ATAD2B: variants seen among roughly 807,000 people sequenced by gnomAD.
ATAD2B encodes the protein ATPase family AAA domain containing 2B.
Under a neutral mutation model 167.6 loss-of-function variants are expected in ATAD2B, and 40 were observed. That is an observed-to-expected ratio of 0.24 (90% CI 0.19 to 0.31). The LOEUF (loss-of-function observed/expected upper bound fraction) is 0.31, where lower values mean the gene tolerates loss of function less well. Among genes scored for constraint, ATAD2B ranks in the 10% least tolerant of loss-of-function variants. The pLI, the probability that ATAD2B is intolerant of heterozygous loss-of-function variation, is 1.00. For synonymous variants in ATAD2B, 579 were observed against 596.5 expected (o/e 0.97, Z 0.43); for missense variants, 1,242 against 1,757.2 (o/e 0.71, Z 5.24).
Position 23,754,558 on chromosome 2 carries a change from C to G in ATAD2B, c.4206+89G>C, listed in dbSNP as rs1675730889. ...AGGCATTTATATTTCAGGGTTAAAG[C>G]AGGAAAACTACTTTTACTCAACTGC... On this transcript the variant is annotated intron_variant, in intron 26 of 27. Transcript: ENST00000238789. 32 of 1,478,376 alleles carry G rather than the reference C, an allele frequency of 2.2e-5. No individual in the cohort carries two copies. The South Asian group carries it at 4.0e-4, about 18-fold the overall frequency. 91.6% of individuals were successfully genotyped at this position (1,478,376 alleles called of 1,614,324 possible).
chr2:23,844,384 A>T (rs1296541157), intron 13 of ATAD2B, among the ~76,000 whole-genome samples: 1 of 152,196 alleles, frequency 6.6e-6, no homozygotes, highest in Non-Finnish European at 1.5e-5. Context: ...AACAAGGTAA[A>T]AGTTACATCT....
At chr2:23,900,550 C>A (rs1700697132) in intron 1 of ATAD2B, 1 of 152,220 alleles carries the variant, frequency 6.6e-6, no homozygotes, top group Admixed American at 6.5e-5. Flanking sequence ...AATGTAGAAT[C>A]TCAGGCTCCA....
At chr2:23,711,482 G>C in the ATAD2B span, among the ~76,000 whole-genome samples, 1 of 148,008 alleles carries the variant, frequency 6.8e-6, no homozygotes, top group Admixed American at 6.9e-5. Flanking sequence ...TGATTCTCCT[G>C]CCTCAGCCTC....
the ATAD2B span, chr2:23,695,871 A>C: frequency 1.3e-6 from 2 of 1,534,786 alleles, no homozygotes; most frequent in Admixed American, 4.0e-5. The surrounding 1 kb of genome is among the most constrained non-coding windows in gnomAD (Gnocchi z 7.6). Flanking sequence ...TCTTGGGCTC[A>C]GTGGTTCCAG....
At chr2:23,768,498 G>A (rs1163066130) in intron 22 of ATAD2B, among the ~76,000 whole-genome samples, 1 of 151,988 alleles carries the variant, frequency 6.6e-6, no homozygotes, top group Non-Finnish European at 1.5e-5. Flanking sequence ...TTGAGCCCAA[G>A]GGAGTTGAGG....
the ATAD2B span, among the ~76,000 whole-genome samples, chr2:23,687,131 C>A: frequency 6.6e-6 from 1 of 152,156 alleles, no homozygotes; most frequent in Non-Finnish European, 1.5e-5. Flanking sequence ...TGCCCTTTGA[C>A]CCCAAGCAGT....
At position 23,926,586 on chromosome 2, in the gene ATAD2B, C is replaced by G. The variant is rs933085472; in HGVS notation, c.185G>C (p.Gly62Ala). ...SCPAAKAGGS[G>A]GAGVTLDEAR... is the part of the protein sequence containing the mutation. ...CTCATCCAGAGTGACGCCGGCGCCACCGCTTCCCCCGGCTTTGGCGGCGGG... is the reference window on the plus strand; with the variant it reads ...CTCATCCAGAGTGACGCCGGCGCCAGCGCTTCCCCCGGCTTTGGCGGCGGG... The change falls in exon 1 of 28, where the codon GGT becomes GCT. Residue 62 changes from glycine to alanine, a missense_variant. Physicochemically the swap from Gly to Ala is moderately conservative, Grantham distance 60. Coordinates refer to ENST00000238789, the MANE Select transcript of ATAD2B (RefSeq NM_017552.4). The G allele has an allele frequency of 9.6e-6, 15 of 1,557,198 alleles. No individual in the cohort carries two copies. Among genetic ancestry groups the G allele is most frequent in the Non-Finnish European group, 1.3e-5 (15 of 1,152,218 alleles).
downstream of ATAD2B, among the ~76,000 whole-genome samples, chr2:23,744,221 T>C (rs1165261975): frequency 6.6e-6 from 1 of 150,402 alleles, no homozygotes; most frequent in Non-Finnish European, 1.5e-5. Flanking sequence ...CATCTAAGAA[T>C]AGTATTTAGA....
chr2:23,764,055 C>T (rs1006433910), intron 23 of ATAD2B, among the ~76,000 whole-genome samples: 2 of 152,194 alleles, frequency 1.3e-5, no homozygotes, highest in Non-Finnish European at 2.9e-5. Context: ...ATAAACAATG[C>T]TCCTATGAAC....
At chr2:23,784,412 C>T (rs1300026429) in intron 21 of ATAD2B, among the ~76,000 whole-genome samples, 1 of 152,006 alleles carries the variant, frequency 6.6e-6, no homozygotes, top group African/African-American at 2.4e-5. Flanking sequence ...AGCTTAAGAG[C>T]AGAACGAACC....
At chr2:23,916,471 C>T (rs1382940586) in intron 1 of ATAD2B, among the ~76,000 whole-genome samples, 1 of 152,118 alleles carries the variant, frequency 6.6e-6, no homozygotes, top group Non-Finnish European at 1.5e-5. Flanking sequence ...AAAGTAATTT[C>T]TAAATTCAAG....
chr2:23,836,453 T>C (rs183585753), intron 13 of ATAD2B, among the ~76,000 whole-genome samples: 1 of 152,170 alleles, frequency 6.6e-6, no homozygotes, highest in African/African-American at 2.4e-5. Context: ...ACCCACAAAA[T>C]GGCAAGCAAG....
intron 18 of ATAD2B, among the ~76,000 whole-genome samples, chr2:23,809,768 T>C (rs918913737): frequency 2.6e-5 from 4 of 152,142 alleles, no homozygotes; most frequent in Non-Finnish European, 5.9e-5. Context: ...TATCCATGGT[T>C]ATATATAACA....
At chr2:23,922,492 A>G (rs1207865498) in intron 1 of ATAD2B, among the ~76,000 whole-genome samples, 1 of 152,032 alleles carries the variant, frequency 6.6e-6, no homozygotes, top group East Asian at 1.9e-4. Flanking sequence ...AGGAAAAAAA[A>G]ATAAGAAAAT....
intron 8 of ATAD2B, among the ~76,000 whole-genome samples, chr2:23,875,180 G>A (rs1558705962): frequency 6.6e-6 from 1 of 151,976 alleles, no homozygotes; most frequent in Non-Finnish European, 1.5e-5. Flanking sequence ...GAGCTGTGTA[G>A]CTTTAGGGAA....
intron 1 of ATAD2B, among the ~76,000 whole-genome samples, chr2:23,915,188 T>C (rs1322179423): frequency 9.9e-5 from 15 of 151,948 alleles, no homozygotes; most frequent in Admixed American, 9.9e-4. Context: ...TAAGAGAAAA[T>C]AATAAAATAA....
intron 19 of ATAD2B, among the ~76,000 whole-genome samples, chr2:23,790,603 G>A (rs1033730515): frequency 6.6e-6 from 1 of 152,132 alleles, no homozygotes; most frequent in Non-Finnish European, 1.5e-5. Flanking sequence ...ACTTCTCTAA[G>A]TTCACTCCTA....
intron 2 of ATAD2B, among the ~76,000 whole-genome samples, chr2:23,893,739 A>G (rs532579098): frequency 6.7e-6 from 1 of 149,032 alleles, no homozygotes; most frequent in African/African-American, 2.5e-5. Context: ...GCGTGATCAC[A>G]GCTCACTGTA....
Position 23,864,900 on chromosome 2 carries a change from A to C in ATAD2B, c.1213T>G (p.Leu405Val). 1 of 1,596,638 alleles carries C rather than the reference A, an allele frequency of 6.3e-7. No individual in the cohort carries two copies. Among genetic ancestry groups the C allele is most frequent in the East Asian group, 2.3e-5 (1 of 44,092 alleles). Residue 405 changes from leucine to valine, a missense_variant, in exon 11 of 28, where the codon TTG becomes GTG. By Grantham distance (32) the Leu-to-Val change is conservative. This residue lies in a region of ATAD2B where 127 missense variants were observed against 146.3 expected (regional missense o/e 0.87). Coordinates refer to ENST00000238789, the MANE Select transcript of ATAD2B (RefSeq NM_017552.4). The part of the protein sequence containing the change: ...KSVRFDSIGG[L>V]SHHIHALKEM... ...TTTAGCGCATGAATATGATGGCTCA[A>C]TCCACCTATGCTATCAAACCGTACC... is the stretch of plus-strand genomic sequence containing the variant.
Sources: gnomAD v4.1 joint callset for allele counts (sites outside exome capture counted in the v4.1 genomes callset) on GRCh38, gnomAD v4.1.1 for gene constraint, gnomAD v4.1.1 regional missense constraint, Gnocchi (gnomAD v3.1) non-coding constraint, MANE v1.5 for transcripts, NCBI Gene and HGNC (gene_info 2026-07-23, HGNC 2026-07-21) for gene names.